PRR33: variants seen among roughly 807,000 people sequenced by gnomAD.
The protein encoded by PRR33 is proline rich 33.
Under a neutral mutation model 0.5 loss-of-function variants are expected in PRR33, and 1 was observed. The ratio of observed to expected loss-of-function variants is 2.18; its 90% CI spans 0.77 to 10.34. The LOEUF (loss-of-function observed/expected upper bound fraction) is 10.34, where lower values mean the gene tolerates loss of function less well. Ranked by LOEUF, PRR33 falls within the 30% of genes most tolerant of loss-of-function variation. The pLI is 0.13. For missense variants in PRR33, 552 were observed against 251.8 expected (o/e 2.19, Z -8.07); for synonymous variants, 226 against 110.0 (o/e 2.06, Z -6.60).
At chr11:1,889,739 G>C (rs1165351776) in exon 1 of PRR33, 1 of 657,268 alleles carries the variant, frequency 1.5e-6, no homozygotes, top group Non-Finnish European at 2.8e-6. Flanking sequence ...GGACCAGGCT[G>C]TGCGGTGAGG....
chr11:1,912,550 A>T, the PRR33 span, among the ~76,000 whole-genome samples: 1 of 151,908 alleles, frequency 6.6e-6, no homozygotes, highest in Non-Finnish European at 1.5e-5. Flanking sequence ...CTTTCTACTA[A>T]TTTTTTTGCC....
chr11:1,901,727 G>A, the PRR33 span, among the ~76,000 whole-genome samples: 1 of 152,106 alleles, frequency 6.6e-6, no homozygotes, highest in Non-Finnish European at 1.5e-5. Flanking sequence ...AAAAAGCAAG[G>A]CCCAGTGAAG....
the PRR33 span, among the ~76,000 whole-genome samples, chr11:1,898,068 C>T: frequency 6.6e-6 from 1 of 152,138 alleles, no homozygotes; most frequent in East Asian, 1.9e-4. Flanking sequence ...TACATTCCTC[C>T]ATGTGCCACA....
the PRR33 span, among the ~76,000 whole-genome samples, chr11:1,904,751 C>T: frequency 6.6e-6 from 1 of 151,664 alleles, no homozygotes; most frequent in South Asian, 2.1e-4. Flanking sequence ...TCAGGTGATC[C>T]ACCCACCTCA....
At chr11:1,906,287 T>G in the PRR33 span, among the ~76,000 whole-genome samples, 2 of 152,224 alleles carry the variant, frequency 1.3e-5, no homozygotes, top group East Asian at 3.8e-4. Flanking sequence ...CATGAGAAGT[T>G]TTATTCGTTA....
At chr11:1,905,287 C>T in the PRR33 span, among the ~76,000 whole-genome samples, 1 of 151,508 alleles carries the variant, frequency 6.6e-6, no homozygotes, top group Non-Finnish European at 1.5e-5. Flanking sequence ...GCCACCACAC[C>T]TAGCTAATTT....
the PRR33 span, chr11:1,903,303 G>A: frequency 6.8e-6 from 1 of 148,014 alleles, no homozygotes; most frequent in South Asian, 2.3e-4. Context: ...CGTAGAGATA[G>A]TGGGGAGCTG....
chr11:1,912,036 G>A, the PRR33 span, among the ~76,000 whole-genome samples: 1 of 148,852 alleles, frequency 6.7e-6, no homozygotes, highest in African/African-American at 2.5e-5. Flanking sequence ...GCCAAGTGTG[G>A]TGGTACATAG....
chr11:1,894,072 G>GTGTC (rs1849092945), upstream of PRR33, among the ~76,000 whole-genome samples: 1 of 150,546 alleles, frequency 6.6e-6, no homozygotes, highest in Admixed American at 6.6e-5. Flanking sequence ...GTGTGTGTGT[G>GTGTC]TGTGTGATAG....
chr11:1,889,402 AG>A, the PRR33 span: 2 of 692,040 alleles, frequency 2.9e-6, no homozygotes, highest in South Asian at 3.1e-5. Context: ...GAGGTCCGGG[AG>A]GCGGGGGCCC....
the PRR33 span, among the ~76,000 whole-genome samples, chr11:1,913,793 C>T: frequency 1.2e-4 from 18 of 152,254 alleles, no homozygotes; most frequent in South Asian, 2.1e-4. Flanking sequence ...CAAGTCGTTT[C>T]GTTCCAGTCC....
At chr11:1,908,870 G>A in the PRR33 span, among the ~76,000 whole-genome samples, 5 of 152,198 alleles carry the variant, frequency 3.3e-5, no homozygotes, top group East Asian at 1.9e-4. Flanking sequence ...GGGCTGGAAC[G>A]CCTTAGTGTT....
At chr11:1,899,463 G>A in the PRR33 span, among the ~76,000 whole-genome samples, 1 of 152,186 alleles carries the variant, frequency 6.6e-6, no homozygotes, top group Non-Finnish European at 1.5e-5. Context: ...TCTGTACCTG[G>A]TGAAAATATA....
exon 1 of PRR33, chr11:1,889,852 G>T (rs1202200697): frequency 6.3e-6 from 4 of 632,486 alleles, no homozygotes; most frequent in Non-Finnish European, 1.2e-5. Context: ...GGTACAGGGG[G>T]CTCCTCAGGC....
chr11:1,909,653 A>C, the PRR33 span, among the ~76,000 whole-genome samples: 1 of 152,008 alleles, frequency 6.6e-6, no homozygotes, highest in East Asian at 1.9e-4. Context: ...GGCAGTGGGC[A>C]CCTGTAGTTC....
chr11:1,903,916 A>G, the PRR33 span, among the ~76,000 whole-genome samples: 2 of 152,156 alleles, frequency 1.3e-5, no homozygotes, highest in Non-Finnish European at 2.9e-5. Context: ...TTTCCGCCTG[A>G]CCCAGTCAAG....
chr11:1,915,225 T>TAC, the PRR33 span, among the ~76,000 whole-genome samples: 1 of 146,652 alleles, frequency 6.8e-6, no homozygotes, highest in Non-Finnish European at 1.5e-5. Context: ...TTGTGGGGTG[T>TAC]ACACACTTAG....
upstream of PRR33, among the ~76,000 whole-genome samples, chr11:1,896,849 G>C (rs1261565026): frequency 6.6e-6 from 1 of 152,188 alleles, no homozygotes; most frequent in East Asian, 1.9e-4. Flanking sequence ...ATCAGGAACC[G>C]ACGTTGGATT....
At chr11:1,891,311 C>T (rs1848992589) in exon 1 of PRR33, 1 of 152,132 alleles carries the variant, frequency 6.6e-6, no homozygotes, top group African/African-American at 2.4e-5. Context: ...GAGCCAGAGG[C>T]TCTCTGGTTT....
Sources: allele counts gnomAD v4.1 joint callset (sites outside exome capture counted in the v4.1 genomes callset), GRCh38; gene constraint gnomAD v4.1.1; transcripts MANE v1.5; gene names NCBI Gene and HGNC (gene_info 2026-07-23, HGNC 2026-07-21).